Variants in DSCAM observed in about 807,000 individuals in gnomAD.
DSCAM encodes the protein cell adhesion molecule DSCAM.
DSCAM carries 47 observed loss-of-function variants against 217.7 expected under a neutral mutation model. The observed-to-expected ratio is 0.22, with a 90% CI of 0.17 to 0.28. The LOEUF is 0.28. DSCAM is among the 10% of genes least tolerant of loss of function. The pLI is 1.00. For missense variants in DSCAM, 2,080 were observed against 2,618.3 expected, an observed-to-expected ratio of 0.79 and a Z score of 4.49; for synonymous variants, 1,056 against 1,015.3, an observed-to-expected ratio of 1.04 and a Z score of -0.76.
At chr21:40,669,361 G>A (rs1328463210) in intron 3 of DSCAM, among the ~76,000 whole-genome samples, 6 of 152,068 alleles carry the variant, frequency 3.9e-5, no homozygotes. Flanking sequence ...CAATCCACGT[G>A]CCCAAAGAGT....
chr21:40,220,077 G>A (rs938450118), intron 11 of DSCAM, among the ~76,000 whole-genome samples: 28 of 152,186 alleles, frequency 1.8e-4, no homozygotes, highest in African/African-American at 6.5e-4. Context: ...GGTTAGATTT[G>A]ATCTTTGGTT....
At chr21:40,098,226 T>C (rs913222669) in intron 20 of DSCAM, among the ~76,000 whole-genome samples, 7 of 152,188 alleles carry the variant, frequency 4.6e-5, no homozygotes, top group African/African-American at 1.7e-4. Context: ...ATTCTAAACA[T>C]TTATTCACCT....
chr21:40,832,669 T>C (rs982328325), intron 1 of DSCAM, among the ~76,000 whole-genome samples: 4 of 152,190 alleles, frequency 2.6e-5, no homozygotes, highest in East Asian at 1.9e-4. Context: ...GCACATATTC[T>C]ACATGCTCTT....
At chr21:40,826,396 T>C (rs1253913339) in intron 1 of DSCAM, among the ~76,000 whole-genome samples, 1 of 152,080 alleles carries the variant, frequency 6.6e-6, no homozygotes, top group African/African-American at 2.4e-5. Context: ...AGCCAGGCCA[T>C]GGAAGGGGTT....
intron 3 of DSCAM, among the ~76,000 whole-genome samples, chr21:40,605,961 C>T (rs1449188109): frequency 3.3e-5 from 5 of 151,638 alleles, no homozygotes; most frequent in Admixed American, 6.6e-5. Flanking sequence ...CCACCACGCC[C>T]AGCTAATTTT....
At chr21:40,428,833 TACAC>T (rs35691309) in intron 3 of DSCAM, among the ~76,000 whole-genome samples, 19 of 149,184 alleles carry the variant, frequency 1.3e-4, no homozygotes, top group African/African-American at 3.9e-4. Flanking sequence ...AGCGACCTAA[TACAC>T]ACACACACAC....
intron 4 of DSCAM, among the ~76,000 whole-genome samples, chr21:40,364,291 A>G (rs2074802596): frequency 6.6e-6 from 1 of 152,174 alleles, no homozygotes; most frequent in Non-Finnish European, 1.5e-5. Context: ...ATGCCCAACA[A>G]TGATAGACTG....
At chr21:40,041,371 A>G (rs926959343) in intron 32 of DSCAM, among the ~76,000 whole-genome samples, 6 of 152,220 alleles carry the variant, frequency 3.9e-5, no homozygotes, top group Non-Finnish European at 8.8e-5. Context: ...GATTCCACCT[A>G]AAGATGGGTT....
At chr21:40,096,314 T>C (rs113780558) in intron 20 of DSCAM, among the ~76,000 whole-genome samples, 6,309 of 152,262 alleles carry the variant, frequency 0.041, 180 homozygotes, top group Non-Finnish European at 0.062. Context: ...TGATGTCTCA[T>C]GTCTCGCTAA....
At chr21:40,125,917 T>C (rs1169439522) in intron 19 of DSCAM, among the ~76,000 whole-genome samples, 1 of 152,170 alleles carries the variant, frequency 6.6e-6, no homozygotes, top group Non-Finnish European at 1.5e-5. Flanking sequence ...ATAAAGCCCC[T>C]GGTTGGTGTT....
chr21:40,157,260 T>G (rs2090488400), intron 16 of DSCAM, among the ~76,000 whole-genome samples: 2 of 152,288 alleles, frequency 1.3e-5, no homozygotes, highest in Admixed American at 1.3e-4. Context: ...AGACCGAGAC[T>G]GCAGGGCCTA....
chr21:40,255,509 T>C (rs2073358835), intron 11 of DSCAM, among the ~76,000 whole-genome samples: 1 of 152,236 alleles, frequency 6.6e-6, no homozygotes, highest in Non-Finnish European at 1.5e-5. Context: ...GGTATTCTGC[T>C]GATGGAATGA....
At chr21:40,261,577 G>C (rs1569029282) in intron 11 of DSCAM, among the ~76,000 whole-genome samples, 1 of 150,898 alleles carries the variant, frequency 6.6e-6, no homozygotes, top group Non-Finnish European at 1.5e-5. Flanking sequence ...TTACACATTG[G>C]CTTTCCTGGG....
At chr21:40,314,608 A>G (rs889125237) in intron 8 of DSCAM, among the ~76,000 whole-genome samples, 8 of 152,220 alleles carry the variant, frequency 5.3e-5, no homozygotes, top group African/African-American at 1.9e-4. Context: ...ATATGTAAAT[A>G]TTATTAATAC....
At chr21:40,469,488 T>C (rs1307929427) in intron 3 of DSCAM, among the ~76,000 whole-genome samples, 1 of 152,170 alleles carries the variant, frequency 6.6e-6, no homozygotes, top group Non-Finnish European at 1.5e-5. Context: ...CCTGACAAAG[T>C]TGAACATGTG....
chr21:40,363,847 A>T (rs2074796216), intron 4 of DSCAM, among the ~76,000 whole-genome samples: 1 of 152,110 alleles, frequency 6.6e-6, no homozygotes, highest in Non-Finnish European at 1.5e-5. Flanking sequence ...AACAAACAAC[A>T]CCATCAACAA....
intron 11 of DSCAM, among the ~76,000 whole-genome samples, chr21:40,221,851 T>C (rs937850204): frequency 1.3e-5 from 2 of 152,078 alleles, no homozygotes; most frequent in Non-Finnish European, 2.9e-5. Context: ...ATCTCAACCA[T>C]TGAGGGTGTG....
At chr21:40,280,870 A>G in intron 10 of DSCAM, among the ~76,000 whole-genome samples, 1 of 152,098 alleles carries the variant, frequency 6.6e-6, no homozygotes, top group South Asian at 2.1e-4. Flanking sequence ...TCCAGCTACC[A>G]TGTTGTGAGC....
intron 3 of DSCAM, among the ~76,000 whole-genome samples, chr21:40,445,370 A>G (rs2075666382): frequency 6.6e-6 from 1 of 152,198 alleles, no homozygotes; most frequent in Non-Finnish European, 1.5e-5. Flanking sequence ...GTTCTGTTGG[A>G]GACTGGTGAC....
Sources: gnomAD v4.1 joint callset for allele counts (sites outside exome capture counted in the v4.1 genomes callset) on GRCh38, gnomAD v4.1.1 for gene constraint, MANE v1.5 for transcripts, NCBI Gene and HGNC (gene_info 2026-07-23, HGNC 2026-07-21) for gene names.